Variants in PHF3 observed in about 807,000 individuals in gnomAD.
The protein encoded by PHF3 is PHD finger protein 3.
A neutral mutation model predicts 178.4 loss-of-function variants in PHF3; 41 were observed. That is an observed-to-expected ratio of 0.23 (90% confidence interval 0.18 to 0.30). The LOEUF (loss-of-function observed/expected upper bound fraction) is 0.30, where lower values mean the gene tolerates loss of function less well. Ranked by LOEUF, PHF3 falls within the 10% of genes least tolerant of loss-of-function variation. The pLI is 1.00. For missense variants in PHF3, 2,346 were observed against 2,398.1 expected (o/e 0.98, Z 0.45); for synonymous variants, 842 against 800.5 (o/e 1.05, Z -0.88).
intron 4 of PHF3, among the ~76,000 whole-genome samples, chr6:63,687,045 T>A (rs1766741271): frequency 6.6e-6 from 1 of 152,226 alleles, no homozygotes; most frequent in African/African-American, 2.4e-5. Context: ...TTCCAGTTTT[T>A]AAAAGTTGTC....
chr6:63,712,865 A>G lies in PHF3; in HGVS notation c.5277A>G (p.Ala1759=), dbSNP rs775300795. 2 of 1,614,094 alleles carry G rather than the reference A, an allele frequency of 1.2e-6. No individual in the cohort carries two copies. Among genetic ancestry groups the G allele is most frequent in the South Asian group, 2.2e-5 (2 of 91,082 alleles). ...ETVHPFRRGS[A]VATSHFEVGN... ...TGCACCCATTTCGAAGAGGATCAGC[A>G]GTAGCGACATCTCATTTTGAAGTTG... is the stretch of plus-strand genomic sequence containing the variant. The change falls in exon 16 of 16, where the codon GCA becomes GCG. Residue 1759 remains alanine, a synonymous_variant. Coordinates refer to ENST00000262043, the MANE Select transcript of PHF3 (RefSeq NM_001370348.2).
chr6:63,660,985 G>C (rs1417639631), intron 2 of PHF3, among the ~76,000 whole-genome samples: 3 of 152,156 alleles, frequency 2.0e-5, no homozygotes, highest in African/African-American at 7.2e-5. Context: ...TGCTTGCTGT[G>C]CCATGGGTGA....
chr6:63,712,603 G>C lies in PHF3; in HGVS notation c.5015G>C (p.Ser1672Thr), dbSNP rs147004156. The C allele has an allele frequency of 1.7e-4, 276 of 1,613,796 alleles. No individual in the cohort carries two copies. The highest frequency in any genetic ancestry group is 2.3e-4 in the Non-Finnish European group (267 of 1,179,926). ...ACTTCAGAAAGCAAAGATGGAGATAGTTGCCGGAATGGAGAAAAACACATG... is the reference window on the plus strand; with the variant it reads ...ACTTCAGAAAGCAAAGATGGAGATACTTGCCGGAATGGAGAAAAACACATG... ...VTTSESKDGD[S>T]CRNGEKHMLP... Residue 1672 changes from serine to threonine, a missense_variant, in exon 16 of 16, where the codon AGT becomes ACT. Coordinates refer to ENST00000262043, the MANE Select transcript of PHF3 (RefSeq NM_001370348.2).
chr6:63,725,019 A>AT lies in PHF3; in HGVS notation c.*11312dup, dbSNP rs1186880154. Among the ~76,000 whole-genome samples the AT allele has an allele frequency of 6.6e-6, 1 of 152,174 alleles. No homozygotes were observed. The highest frequency in any genetic ancestry group is 1.5e-5 in the Non-Finnish European group (1 of 67,986). The stretch of plus-strand genomic sequence containing the variant: ...ATGAGAGACTTCAAATAAACTTGTT[A>AT]TATCACTTGATTACTAAAAAATAAG... On this transcript the variant is annotated 3_prime_UTR_variant, in exon 16 of 16. Coordinates refer to ENST00000262043, the MANE Select transcript of PHF3 (RefSeq NM_001370348.2).
intron 12 of PHF3, among the ~76,000 whole-genome samples, 176 bp downstream of exon 12, chr6:63,706,400 G>A (rs1352904318): frequency 2.6e-5 from 4 of 152,130 alleles, no homozygotes; most frequent in African/African-American, 7.2e-5. Flanking sequence ...TATTTGGAGT[G>A]TTTTCAGTGA....
intron 2 of PHF3, among the ~76,000 whole-genome samples, chr6:63,657,136 A>G (rs1175579049): frequency 1.3e-5 from 2 of 152,070 alleles, no homozygotes; most frequent in Non-Finnish European, 2.9e-5. Flanking sequence ...TGTCTTTCCA[A>G]CATTTTGCTT....
intron 2 of PHF3, among the ~76,000 whole-genome samples, chr6:63,647,339 C>T (rs912315050): frequency 2.0e-5 from 3 of 152,106 alleles, no homozygotes; most frequent in Admixed American, 2.0e-4. Context: ...CTGCCCTGGA[C>T]AGTAAACACT....
At chr6:63,668,410 T>C (rs933886958) in intron 2 of PHF3, among the ~76,000 whole-genome samples, 1 of 152,190 alleles carries the variant, frequency 6.6e-6, no homozygotes, top group African/African-American at 2.4e-5. Flanking sequence ...CATGGCTCAC[T>C]ACAGCCTCGA....
Position 63,684,798 on chromosome 6 carries a change from G to A in PHF3, c.1076G>A (p.Ser359Asn), listed in dbSNP as rs1766603715. The change falls in exon 4 of 16, where the codon AGC becomes AAC. Residue 359 changes from serine to asparagine, a missense_variant. Ser to Asn is a conservative substitution (Grantham distance 46, BLOSUM62 1). Around this residue, in one of 8 missense-constraint regions of PHF3, gnomAD observed 843 missense variants for 795.2 expected, o/e 1.06. Coordinates refer to ENST00000262043, the MANE Select transcript of PHF3 (RefSeq NM_001370348.2). ...ACTNPNKTEN[S>N]LVGLPSCVDE... Reference sequence around the variant, plus strand: ...ACAAATCCAAATAAGACAGAAAACAGCCTTGTAGGTTTGCCTAGTTGTGTA... The same window carrying A: ...ACAAATCCAAATAAGACAGAAAACAACCTTGTAGGTTTGCCTAGTTGTGTA... The A allele has an allele frequency of 6.2e-7, 1 of 1,613,896 alleles. No individual in the cohort carries two copies. Among genetic ancestry groups the A allele is most frequent in the Non-Finnish European group, 8.5e-7 (1 of 1,179,940 alleles).
chr6:63,720,997 C>T lies in PHF3; in HGVS notation c.*7289C>T. ...ATTTTCAAGGTCTGATTATGGAGAC[C>T]AATTGCCAGAAAATCATTTTCTTCA... On this transcript the variant is annotated 3_prime_UTR_variant, in exon 16 of 16. Coordinates refer to ENST00000262043, the MANE Select transcript of PHF3 (RefSeq NM_001370348.2). 1 of 1,551,252 alleles carries T rather than the reference C, an allele frequency of 6.4e-7. No homozygotes were observed. Among genetic ancestry groups the T allele is most frequent in the Middle Eastern group, 1.7e-4 (1 of 5,988 alleles).
At chr6:63,636,643 A>G (rs1483043302) in intron 1 of PHF3, 1 of 152,362 alleles carries the variant, frequency 6.6e-6, no homozygotes, top group East Asian at 1.9e-4. Context: ...CCTGGCTGCT[A>G]GGCTGCTCCC....
In PHF3 at chr6:63,715,651, A is replaced by T. The variant is rs1768165078; in HGVS notation, c.*1943A>T. Among the ~76,000 whole-genome samples the T allele has an allele frequency of 6.6e-6, 1 of 152,148 alleles. No individual in the cohort carries two copies. The highest frequency in any genetic ancestry group is 1.5e-5 in the Non-Finnish European group (1 of 68,020). ...TAATCAGTTCTGATCGAATCTTGAT[A>T]CATGTTTTTAAAATAGGCAAGGCCC... is the stretch of plus-strand genomic sequence containing the variant. On this transcript the variant is annotated 3_prime_UTR_variant, in exon 16 of 16. Coordinates refer to ENST00000262043, the MANE Select transcript of PHF3 (RefSeq NM_001370348.2).
chr6:63,685,065 C>A lies in PHF3; in HGVS notation c.1343C>A (p.Ser448Ter). Residue 448 changes from serine to a stop codon, truncating the protein, a stop_gained, in exon 4 of 16, where the codon TCA becomes TAA. Transcript: ENST00000262043. LOFTEE classifies it high-confidence loss of function. ...NAICDVPDQN[S>*]KQLNAIESTK... ...ATTTGTGATGTGCCTGACCAAAATT[C>A]AAAACAGTTGAATGCTATAGAAAGT... 1 of 1,613,908 alleles carries A rather than the reference C, an allele frequency of 6.2e-7. No individual in the cohort carries two copies. The highest frequency in any genetic ancestry group is 8.5e-7 in the Non-Finnish European group (1 of 1,179,954).
intron 3 of PHF3, among the ~76,000 whole-genome samples, chr6:63,683,162 T>A (rs1363494691): frequency 1.3e-5 from 2 of 152,060 alleles, no homozygotes; most frequent in Admixed American, 1.3e-4. Context: ...ATAATTTTAT[T>A]GTTCAAATTG....
intron 10 of PHF3, among the ~76,000 whole-genome samples, chr6:63,703,323 G>C (rs181030559): frequency 2.0e-5 from 3 of 152,020 alleles, no homozygotes; most frequent in African/African-American, 7.2e-5. Context: ...GAAGAATGGG[G>C]AATGTTTTAA....
chr6:63,665,022 A>G (rs1257949890), intron 2 of PHF3, among the ~76,000 whole-genome samples: 1 of 152,166 alleles, frequency 6.6e-6, no homozygotes, highest in Admixed American at 6.5e-5. Flanking sequence ...TTATTACTAT[A>G]TGAGATCAAA....
In PHF3 at chr6:63,721,083, G is replaced by A; in HGVS notation, c.*7375G>A. The A allele has an allele frequency of 6.4e-7, 1 of 1,551,178 alleles. No individual in the cohort carries two copies. The highest frequency in any genetic ancestry group is 8.7e-7 in the Non-Finnish European group (1 of 1,146,690). ...TGTTTTAGTGGTACTGAAATTTAAGGATATAGTAGTGAACTGGAGGTTTCT... is the reference window on the plus strand; with the variant it reads ...TGTTTTAGTGGTACTGAAATTTAAGAATATAGTAGTGAACTGGAGGTTTCT... On this transcript the variant is annotated 3_prime_UTR_variant, in exon 16 of 16. Transcript: ENST00000262043.
Position 63,711,895 on chromosome 6 carries a change from C to T in PHF3, c.4307C>T (p.Pro1436Leu), listed in dbSNP as rs1327224744. The T allele has an allele frequency of 1.2e-6, 2 of 1,613,982 alleles. No homozygotes were observed. Among genetic ancestry groups the T allele is most frequent in the East Asian group, 2.2e-5 (1 of 44,866 alleles). The change falls in exon 16 of 16, where the codon CCA (proline) becomes CTA (leucine). Residue 1436 changes from proline (P) to leucine (L), a missense_variant. This residue lies in a region of PHF3 where 839 missense variants were observed against 806.9 expected (regional missense o/e 1.04). Coordinates refer to ENST00000262043, the MANE Select transcript of PHF3 (RefSeq NM_001370348.2). Reference sequence around the variant, plus strand: ...TTAATGGAAGTCACCAAACAGGAGCCACCAAAACCTTTAAGATTTCTTCCT... The same window carrying T: ...TTAATGGAAGTCACCAAACAGGAGCTACCAAAACCTTTAAGATTTCTTCCT... Reference protein sequence around the residue: ...EPLMEVTKQEPPKPLRFLPGV... With the variant: ...EPLMEVTKQELPKPLRFLPGV...
chr6:63,636,216 A>G (rs1483986220), intron 1 of PHF3, 66 bp downstream of exon 1: 2 of 335,254 alleles, frequency 6.0e-6, no homozygotes, highest in African/African-American at 2.1e-5. Context: ...CCCCTTCCAC[A>G]CGCACAGCGC....
Sources: allele counts gnomAD v4.1 joint callset (sites outside exome capture counted in the v4.1 genomes callset), GRCh38; gene constraint gnomAD v4.1.1; regional missense constraint gnomAD v4.1.1; transcripts MANE v1.5; gene names NCBI Gene and HGNC (gene_info 2026-07-23, HGNC 2026-07-21).